The following SLC9C2 variants were observed in gnomAD, a reference collection of about 807,000 sequenced individuals.
The protein encoded by SLC9C2 is solute carrier family 9 member C2 (putative).
In SLC9C2, 75 loss-of-function variants were observed where a neutral mutation model predicts 140.2. The observed-to-expected ratio is 0.53, with a 90% confidence interval of 0.44 to 0.65. The LOEUF (loss-of-function observed/expected upper bound fraction) is 0.65. Among genes scored for constraint, SLC9C2 ranks in the 30% least tolerant of loss-of-function variants. The pLI is 0.00. For synonymous variants in SLC9C2, 375 were observed against 420.9 expected (o/e 0.89, Z 1.34); for missense variants, 1,074 against 1,331.8 (o/e 0.81, Z 3.01).
At chr1:173,548,259 G>C in intron 12 of SLC9C2, 130 bp downstream of exon 12, 1 of 910,292 alleles carries the variant, frequency 1.1e-6, no homozygotes, top group South Asian at 1.8e-5. Flanking sequence ...AAATAGCAAA[G>C]CCAGTAACTA....
intron 24 of SLC9C2, among the ~76,000 whole-genome samples, chr1:173,507,857 A>G (rs1251497076): frequency 6.6e-6 from 1 of 152,152 alleles, no homozygotes; most frequent in Non-Finnish European, 1.5e-5. Context: ...AGAACTGTGA[A>G]ACGATGCATT....
At chr1:173,547,388 AT>A (rs1662925798) in intron 13 of SLC9C2, among the ~76,000 whole-genome samples, 1 of 150,922 alleles carries the variant, frequency 6.6e-6, no homozygotes, top group African/African-American at 2.4e-5. Context: ...AATTTTAAAT[AT>A]TTGAAAATGT....
intron 27 of SLC9C2, among the ~76,000 whole-genome samples, chr1:173,502,582 C>T (rs1659360705): frequency 6.6e-6 from 1 of 152,154 alleles, no homozygotes. Flanking sequence ...TATTCCTTTT[C>T]AACTCTAGGC....
chr1:173,583,303 T>A (rs1280438788), intron 6 of SLC9C2, among the ~76,000 whole-genome samples: 1 of 152,166 alleles, frequency 6.6e-6, no homozygotes, highest in Non-Finnish European at 1.5e-5. Context: ...TTTTATTGAG[T>A]TTTTCTGAAT....
chr1:173,519,462 T>C (rs990814562), intron 22 of SLC9C2, among the ~76,000 whole-genome samples: 1 of 152,070 alleles, frequency 6.6e-6, no homozygotes, highest in South Asian at 2.1e-4. Context: ...ACCCATTGGA[T>C]TTCTGACCTA....
chr1:173,537,954 A>G (rs10798286), intron 13 of SLC9C2, among the ~76,000 whole-genome samples: 52,285 of 151,988 alleles, frequency 0.34, 11,099 homozygotes, highest in East Asian at 0.64. Flanking sequence ...ATTGTTTAGA[A>G]ATGTTGACTC....
chr1:173,504,284 A>G (rs1458611289), intron 26 of SLC9C2, among the ~76,000 whole-genome samples: 1 of 152,170 alleles, frequency 6.6e-6, no homozygotes, highest in African/African-American at 2.4e-5. Context: ...AAGCTTAATT[A>G]CTTATTGAAT....
intron 9 of SLC9C2, among the ~76,000 whole-genome samples, chr1:173,572,422 AAG>A (rs935109788): frequency 3.4e-5 from 2 of 59,318 alleles, no homozygotes; most frequent in East Asian, 3.1e-3. Flanking sequence ...TAGCAGACTC[AAG>A]TTTCCATGGG....
chr1:173,548,835 A>G (rs1439958114), intron 11 of SLC9C2, among the ~76,000 whole-genome samples: 1 of 152,170 alleles, frequency 6.6e-6, no homozygotes, highest in Non-Finnish European at 1.5e-5. Context: ...AACGCACCTA[A>G]TCCATATTTC....
At chr1:173,510,950 C>G (rs1172801961) in intron 23 of SLC9C2, among the ~76,000 whole-genome samples, 1 of 151,782 alleles carries the variant, frequency 6.6e-6, no homozygotes, top group African/African-American at 2.4e-5. Flanking sequence ...ACATTCCCAC[C>G]AACAGTGTGA....
intron 9 of SLC9C2, among the ~76,000 whole-genome samples, chr1:173,561,525 A>C (rs1187439399): frequency 6.6e-6 from 1 of 152,170 alleles, no homozygotes; most frequent in Non-Finnish European, 1.5e-5. Flanking sequence ...TTCTACCCTT[A>C]GTTCCAGCTC....
In SLC9C2 at chr1:173,524,039, G is replaced by C; in HGVS notation, c.2570C>G (p.Pro857Arg). The part of the protein sequence containing the change: ...LNNFPKAIPP[P>R]TPDIYLHNII... ...GTTGTGAAGGTATATGTCAGGAGTT[G>C]GGGGTGGGATTGCCTTTGGAAAGTT... The change falls in exon 21 of 28, where the codon CCA becomes CGA. Residue 857 changes from proline to arginine, a missense_variant. Transcript: ENST00000367714. The C allele has an allele frequency of 6.2e-7, 1 of 1,613,596 alleles. No homozygotes were observed. The highest frequency in any genetic ancestry group is 8.5e-7 in the Non-Finnish European group (1 of 1,179,762).
rs35390629 is a variant in SLC9C2, at chr1:173,554,018, G to A, written c.1297+715C>T. 4.6e-5 allele frequency among the ~76,000 whole-genome samples: 7 copies of A among 152,196 alleles called. No homozygotes were observed. In the South Asian group the frequency reaches 6.2e-4, roughly 14 times the overall value. The stretch of plus-strand genomic sequence containing the variant: ...GTATCTTATCCTGGATTTCTCTACC[G>A]AATGTGTCTATTTGTTATTTTATTA... On this transcript the variant is annotated intron_variant, in intron 11 of 27. Transcript: ENST00000367714.
At chr1:173,515,007 C>T (rs1463573887) in intron 23 of SLC9C2, among the ~76,000 whole-genome samples, 5 of 152,278 alleles carry the variant, frequency 3.3e-5, no homozygotes, top group East Asian at 3.9e-4. Context: ...TGAAGGGTTT[C>T]GGCGGAGAGG....
chr1:173,575,728 C>T (rs1665135788), intron 8 of SLC9C2, among the ~76,000 whole-genome samples: 1 of 152,100 alleles, frequency 6.6e-6, no homozygotes, highest in Non-Finnish European at 1.5e-5. Context: ...AGGAGCCTGC[C>T]ACCACGCCCG....
intron 13 of SLC9C2, among the ~76,000 whole-genome samples, chr1:173,537,389 C>T (rs1662049222): frequency 6.6e-6 from 1 of 151,920 alleles, no homozygotes; most frequent in African/African-American, 2.4e-5. Flanking sequence ...GGTGAAACCC[C>T]CCATCTCTAC....
chr1:173,545,228 G>C (rs1169730221), intron 13 of SLC9C2, among the ~76,000 whole-genome samples: 1 of 152,174 alleles, frequency 6.6e-6, no homozygotes, highest in Admixed American at 6.5e-5. Context: ...AAGTGGGGCG[G>C]ACTAAACCAG....
intron 19 of SLC9C2, among the ~76,000 whole-genome samples, chr1:173,525,383 G>A (rs1186839274): frequency 6.6e-6 from 1 of 152,204 alleles, no homozygotes; most frequent in East Asian, 1.9e-4. Flanking sequence ...GAACTGGACT[G>A]TGAGTCAAGG....
intron 7 of SLC9C2, among the ~76,000 whole-genome samples, chr1:173,579,703 T>C (rs1432815574): frequency 6.6e-6 from 1 of 152,230 alleles, no homozygotes; most frequent in Non-Finnish European, 1.5e-5. Flanking sequence ...ATATTTTTGG[T>C]AAACATTTGA....
Sources: gnomAD v4.1 joint callset for allele counts (sites outside exome capture counted in the v4.1 genomes callset) on GRCh38, gnomAD v4.1.1 for gene constraint, MANE v1.5 for transcripts, NCBI Gene and HGNC (gene_info 2026-07-23, HGNC 2026-07-21) for gene names.